SESN1: variants seen among roughly 807,000 people sequenced by gnomAD.
The protein encoded by SESN1 is sestrin 1, also known as sestrin-1.
In SESN1, 30 loss-of-function variants were observed where a neutral mutation model predicts 59.3. That is an observed-to-expected ratio of 0.51 (90% CI 0.38 to 0.69). The LOEUF is 0.69. SESN1 is among the 30% of genes least tolerant of loss of function. The probability of loss-of-function intolerance (pLI) is 0.00; values close to 1 mark genes in which losing one functional copy is unlikely to be tolerated. For synonymous variants in SESN1, 197 were observed against 219.9 expected (o/e 0.90, Z 0.92); for missense variants, 566 against 673.0 (o/e 0.84, Z 1.76).
At chr6:109,081,837 T>A (rs1401293502) in intron 1 of SESN1, among the ~76,000 whole-genome samples, 2 of 152,218 alleles carry the variant, frequency 1.3e-5, no homozygotes, top group African/African-American at 4.8e-5. Flanking sequence ...CAGAAAGCAC[T>A]GTTTTGAAGA....
At position 108,985,094 on chromosome 6, in the gene SESN1, C is replaced by A. The variant is rs1225934799; in HGVS notation, c.*2450G>T. Among the ~76,000 whole-genome samples, 1 of 152,098 alleles carries A rather than the reference C, an allele frequency of 6.6e-6. No homozygotes were observed. The highest frequency in any genetic ancestry group is 1.5e-5 in the Non-Finnish European group (1 of 68,030). On this transcript the variant is annotated 3_prime_UTR_variant, in exon 10 of 10. Coordinates refer to ENST00000436639, the MANE Select transcript of SESN1 (RefSeq NM_014454.3). Reference sequence around the variant, plus strand: ...TTCACATATACAAATATGCTAGTAACATTTCTGATTCATGTATGATATTCA... The same window carrying A: ...TTCACATATACAAATATGCTAGTAAAATTTCTGATTCATGTATGATATTCA...
intron 1 of SESN1, among the ~76,000 whole-genome samples, chr6:109,032,372 A>G (rs746281974): frequency 5.3e-5 from 8 of 152,132 alleles, no homozygotes; most frequent in Non-Finnish European, 1.0e-4. Context: ...TAATCCCAGC[A>G]CTTTGGGAGG....
At chr6:108,990,902 G>T in intron 7 of SESN1, 67 bp from the exon 8 acceptor site, 3 of 1,338,800 alleles carry the variant, frequency 2.2e-6, no homozygotes, top group Non-Finnish European at 3.1e-6. Flanking sequence ...CTATAGCTCT[G>T]TAGCATGGTA....
chr6:109,035,190 A>G (rs1780232220), intron 1 of SESN1, among the ~76,000 whole-genome samples: 2 of 152,210 alleles, frequency 1.3e-5, no homozygotes, highest in Middle Eastern at 3.4e-3. Context: ...TTTTCATCCT[A>G]GAAGTTCAAC....
At chr6:109,044,465 C>T (rs1206381766) in intron 1 of SESN1, among the ~76,000 whole-genome samples, 1 of 150,682 alleles carries the variant, frequency 6.6e-6, no homozygotes, top group African/African-American at 2.4e-5. Flanking sequence ...TGATTCTAGA[C>T]ATAAACCTCA....
chr6:109,063,336 C>T (rs528526334), intron 1 of SESN1, among the ~76,000 whole-genome samples: 2 of 152,106 alleles, frequency 1.3e-5, no homozygotes, highest in Non-Finnish European at 2.9e-5. Flanking sequence ...GAAGCCTGCC[C>T]TTGGGCAGGG....
At chr6:109,023,395 C>T (rs189963925) in intron 1 of SESN1, among the ~76,000 whole-genome samples, 2 of 152,302 alleles carry the variant, frequency 1.3e-5, no homozygotes, top group East Asian at 3.9e-4. Context: ...AATCTTCTAC[C>T]ACTTGACAGT....
intron 1 of SESN1, among the ~76,000 whole-genome samples, chr6:109,077,608 G>A (rs1781051999): frequency 1.3e-5 from 2 of 152,198 alleles, no homozygotes; most frequent in South Asian, 4.1e-4. Flanking sequence ...ATCAGACAGT[G>A]TCACCAGCAG....
chr6:108,996,187 G>A (rs1167517296), intron 5 of SESN1, among the ~76,000 whole-genome samples: 1 of 152,180 alleles, frequency 6.6e-6, no homozygotes, highest in Non-Finnish European at 1.5e-5. Context: ...GCTGGAGAAT[G>A]ACTCTCAGGA....
At chr6:109,020,096 C>T (rs569051072) in intron 1 of SESN1, among the ~76,000 whole-genome samples, 1 of 152,306 alleles carries the variant, frequency 6.6e-6, no homozygotes, top group East Asian at 1.9e-4. Context: ...AAAACACAAA[C>T]TTAGCAACAG....
intron 1 of SESN1, among the ~76,000 whole-genome samples, chr6:109,067,341 C>T (rs754669748): frequency 6.6e-6 from 1 of 152,174 alleles, no homozygotes; most frequent in African/African-American, 2.4e-5. Flanking sequence ...CCTGCTGTCA[C>T]TCCACAGATC....
intron 1 of SESN1, among the ~76,000 whole-genome samples, chr6:109,075,078 C>A (rs548264521): frequency 6.6e-6 from 1 of 152,262 alleles, no homozygotes; most frequent in Admixed American, 6.5e-5. Context: ...GCTCCTTTAT[C>A]TGGAGAATGG....
At chr6:109,055,886 C>A (rs1780625358) in intron 1 of SESN1, among the ~76,000 whole-genome samples, 1 of 152,020 alleles carries the variant, frequency 6.6e-6, no homozygotes, top group East Asian at 1.9e-4. Context: ...AAGAATTTTT[C>A]TTTTTGGATC....
chr6:109,094,035 G>C lies in SESN1; in HGVS notation c.39C>G (p.Leu13=), dbSNP rs143084525. The C allele has an allele frequency of 1.1e-5, 18 of 1,614,076 alleles. No individual in the cohort carries two copies. Among genetic ancestry groups the C allele is most frequent in the Non-Finnish European group, 1.4e-5 (17 of 1,179,994 alleles). Residue 13 remains leucine (L), a synonymous_variant, in exon 1 of 10, where the codon CTC becomes CTG. Coordinates refer to ENST00000436639, the MANE Select transcript of SESN1 (RefSeq NM_014454.3). The stretch of plus-strand genomic sequence containing the variant: ...CCCTAGTAGTTGAATCTCTGCTGCA[G>C]AGTCCATCCCATCTCACTTCATTCT... The part of the protein sequence containing the change: ...EGENEVRWDG[L]CSRDSTTRET...
At chr6:109,020,458 T>C (rs1039004485) in intron 1 of SESN1, among the ~76,000 whole-genome samples, 13 of 152,116 alleles carry the variant, frequency 8.5e-5, no homozygotes. Context: ...GGTAGAAATA[T>C]CCAGTGAAAT....
chr6:109,037,063 A>G (rs925171866), intron 1 of SESN1, among the ~76,000 whole-genome samples: 2 of 152,206 alleles, frequency 1.3e-5, no homozygotes, highest in Non-Finnish European at 2.9e-5. Context: ...TAGCTGTTAT[A>G]TTCCTGATAC....
chr6:109,015,286 C>A (rs1240829877), intron 1 of SESN1, among the ~76,000 whole-genome samples: 1 of 152,090 alleles, frequency 6.6e-6, no homozygotes, highest in African/African-American at 2.4e-5. Flanking sequence ...GATACCCAAG[C>A]TCCTTTGATT....
intron 1 of SESN1, among the ~76,000 whole-genome samples, chr6:109,043,934 A>C (rs1282716375): frequency 6.6e-6 from 1 of 152,210 alleles, no homozygotes; most frequent in Non-Finnish European, 1.5e-5. Context: ...ATACAGCATG[A>C]TATTGGTGAA....
At chr6:108,999,085 A>G (rs2114298781) in intron 4 of SESN1, 1 of 173,400 alleles carries the variant, frequency 5.8e-6, no homozygotes. Context: ...TTAGTTCAAA[A>G]TCTCAAAGCA....
Sources: allele counts gnomAD v4.1 joint callset (sites outside exome capture counted in the v4.1 genomes callset), GRCh38; gene constraint gnomAD v4.1.1; transcripts MANE v1.5; gene names NCBI Gene and HGNC (gene_info 2026-07-23, HGNC 2026-07-21).